NOL7: variants seen among roughly 807,000 people sequenced by gnomAD.
NOL7 encodes the protein U3 small nucleolar RNA-associated protein NOL7.
A neutral mutation model predicts 38.4 loss-of-function variants in NOL7; 36 were observed. The observed-to-expected ratio is 0.94, with a 90% CI of 0.72 to 1.24. The LOEUF (loss-of-function observed/expected upper bound fraction) is 1.24. NOL7 is among the 50% of genes most tolerant of loss of function. The pLI, the probability that NOL7 is intolerant of heterozygous loss-of-function variation, is 0.00. For missense variants in NOL7, 350 were observed against 315.1 expected (o/e 1.11, Z -0.84); for synonymous variants, 142 against 126.5 (o/e 1.12, Z -0.82).
At chr6:13,622,609 A>C (rs1469711698), downstream of NOL7, 1 of 1,091,280 alleles carries the variant, frequency 9.2e-7, no homozygotes, top group African/African-American at 1.6e-5. Context: ...CCACTCTGAA[A>C]TATCAGCAAA....
downstream of NOL7, among the ~76,000 whole-genome samples, chr6:13,625,096 C>T (rs1490193786): frequency 1.3e-5 from 2 of 152,184 alleles, no homozygotes; most frequent in African/African-American, 2.4e-5. Context: ...CTTCCATTTT[C>T]ATTCTCTCCA....
At chr6:13,625,528 A>G (rs753895281), downstream of NOL7, 129 of 554,642 alleles carry the variant, frequency 2.3e-4, no homozygotes, top group Non-Finnish European at 9.1e-5. Flanking sequence ...AGGTATTTTT[A>G]TATTTTAAAA....
At position 13,616,453 on chromosome 6, in the gene NOL7, A is replaced by T; in HGVS notation, c.328-10A>T. 2 of 1,596,040 alleles carry T rather than the reference A, an allele frequency of 1.3e-6. No individual in the cohort carries two copies. Among genetic ancestry groups the T allele is most frequent in the Non-Finnish European group, 1.7e-6 (2 of 1,168,214 alleles). The stretch of plus-strand genomic sequence containing the variant: ...CTTTCTATTAATTTTAAACGTTTTC[A>T]TTCCAAAAGAAAAGAAAACTCCTTC... On this transcript the variant is annotated splice_polypyrimidine_tract_variant and intron_variant, in intron 2 of 7. Coordinates refer to ENST00000451315, the MANE Select transcript of NOL7 (RefSeq NM_016167.5).
downstream of NOL7, chr6:13,622,279 T>C: frequency 7.6e-7 from 1 of 1,317,792 alleles, no homozygotes; most frequent in Non-Finnish European, 9.8e-7. Context: ...ATTTAAAAAA[T>C]CTAAATTTCA....
chr6:13,618,216 T>C (rs954315669), intron 5 of NOL7, 77 bp downstream of exon 5: 5 of 437,988 alleles, frequency 1.1e-5, no homozygotes, highest in Non-Finnish European at 1.6e-5. Flanking sequence ...CATGGGAAAA[T>C]ATTTTATTTT....
At chr6:13,625,511 A>G (rs1764577360), downstream of NOL7, 2 of 480,330 alleles carry the variant, frequency 4.2e-6, no homozygotes, top group Non-Finnish European at 7.4e-6. Flanking sequence ...GGGGGTTTCT[A>G]TATTTTAGGT....
At chr6:13,628,810 G>A (rs1200053132) in intron 8 of NOL7, among the ~76,000 whole-genome samples, 3 of 152,258 alleles carry the variant, frequency 2.0e-5, no homozygotes, top group African/African-American at 7.2e-5. Flanking sequence ...ACTAACATAT[G>A]TTAAACCCGC....
rs116532404 is a variant in NOL7 at position 13,627,257 on chromosome 6, T to C, written n.574-5136T>C. Among the ~76,000 whole-genome samples the C allele has an allele frequency of 7.5e-3, 1,134 of 152,206 alleles. 21 individuals are homozygous for C. Among genetic ancestry groups the C allele is most frequent in the African/African-American group, 0.026 (1,069 of 41,544 alleles). ...GCTACTTGGTTCTACTTCCCGCCCCTAACCCAACCCACACTTCCCAACCCA... is the reference window on the plus strand; with the variant it reads ...GCTACTTGGTTCTACTTCCCGCCCCCAACCCAACCCACACTTCCCAACCCA... On this transcript the variant is annotated intron_variant and non_coding_transcript_variant, in intron 8 of 8. Transcript: ENST00000474485.
At chr6:13,627,732 T>C (rs1341916275) in intron 8 of NOL7, among the ~76,000 whole-genome samples, 1 of 150,862 alleles carries the variant, frequency 6.6e-6, no homozygotes, top group Non-Finnish European at 1.5e-5. Context: ...ACCATACCCA[T>C]AGTACAGATA....
At chr6:13,623,417 A>C (rs1764513664), downstream of NOL7, among the ~76,000 whole-genome samples, 1 of 152,226 alleles carries the variant, frequency 6.6e-6, no homozygotes, top group Non-Finnish European at 1.5e-5. Context: ...AAAGAAGAGG[A>C]AATTTCCAAA....
Position 13,615,351 on chromosome 6 carries a change from C to G in NOL7, c.-8C>G, listed in dbSNP as rs534402764. 6.8e-7 allele frequency: 1 copy of G among 1,477,934 alleles called. No homozygotes were observed. Among genetic ancestry groups the G allele is most frequent in the East Asian group, 2.5e-5 (1 of 40,470 alleles). 91.6% of individuals were successfully genotyped at this position (1,477,934 alleles called of 1,614,324 possible). A position where few individuals can be genotyped will look rare whatever the true frequency, so the allele number is the denominator to read the frequency against. On this transcript the variant is annotated 5_prime_UTR_variant, in exon 1 of 8. Coordinates refer to ENST00000451315, the MANE Select transcript of NOL7 (RefSeq NM_016167.5). The stretch of plus-strand genomic sequence containing the variant: ...TCAGAGGTCAGACGGTCTAGCGCTG[C>G]GTGGGCCATGGTGCAGCTCCGACCG...
Position 13,615,791 on chromosome 6 carries a change from G to T in NOL7, c.327+19G>T, listed in dbSNP as rs370054990. The stretch of plus-strand genomic sequence containing the variant: ...ACAGAAGGTTAGAGGCTAGGGAGGA[G>T]GTGTCTTATTAAAACAACTCGGCTC... On this transcript the variant is annotated intron_variant, in intron 2 of 7. Transcript: ENST00000451315. 2.2e-5 allele frequency: 35 copies of T among 1,601,214 alleles called. No homozygotes were observed. The East Asian group carries it at 7.1e-4, about 33-fold the overall frequency.
chr6:13,625,705 A>G (rs533437278), downstream of NOL7: 6 of 1,613,482 alleles, frequency 3.7e-6, no homozygotes, highest in East Asian at 1.3e-4. Flanking sequence ...GAATCGGGTC[A>G]AGCTGATTTC....
At chr6:13,625,815 G>A (rs765414679), downstream of NOL7, 6 of 1,282,706 alleles carry the variant, frequency 4.7e-6, no homozygotes. Context: ...CAACTATTAT[G>A]CTCACAAATG....
At chr6:13,632,337 T>G (rs1356554977) in intron 8 of NOL7, 4 of 1,597,880 alleles carry the variant, frequency 2.5e-6, no homozygotes, top group Non-Finnish European at 3.4e-6. Context: ...TCCTCTGACA[T>G]ATTCATAATT....
downstream of NOL7, chr6:13,621,966 T>C (rs1764461527): frequency 6.5e-6 from 1 of 154,616 alleles, no homozygotes; most frequent in South Asian, 2.0e-4. Context: ...GGTCGGAACA[T>C]CTCCCAATTT....
At chr6:13,617,333 C>T (rs568564041) in intron 3 of NOL7, among the ~76,000 whole-genome samples, 21 of 151,640 alleles carry the variant, frequency 1.4e-4, no homozygotes, top group East Asian at 5.9e-4. Flanking sequence ...ATTTACATTT[C>T]TCTCTCCATT....
At chr6:13,628,177 A>C (rs1270331815) in intron 8 of NOL7, among the ~76,000 whole-genome samples, 1 of 152,210 alleles carries the variant, frequency 6.6e-6, no homozygotes, top group Non-Finnish European at 1.5e-5. Context: ...GTGAATAGTA[A>C]GATGCAGATT....
chr6:13,631,807 G>C (rs1175573410), intron 8 of NOL7, among the ~76,000 whole-genome samples: 1 of 152,142 alleles, frequency 6.6e-6, no homozygotes, highest in Admixed American at 6.5e-5. Flanking sequence ...TACTGAATTA[G>C]ATTGTATCCA....
Sources: allele counts gnomAD v4.1 joint callset (sites outside exome capture counted in the v4.1 genomes callset), GRCh38; gene constraint gnomAD v4.1.1; transcripts MANE v1.5; gene names NCBI Gene and HGNC (gene_info 2026-07-23, HGNC 2026-07-21).